The following ANO2 variants were observed in gnomAD, a reference collection of about 807,000 sequenced individuals.
ANO2 encodes the protein anoctamin 2.
ANO2 carries 101 observed loss-of-function variants against 124.2 expected under a neutral mutation model. That is an observed-to-expected ratio of 0.81 (90% CI 0.69 to 0.96). The LOEUF is 0.96. Ranked by LOEUF, ANO2 falls within the 40% of genes least tolerant of loss-of-function variation. The pLI is 0.00. For synonymous variants in ANO2, 486 were observed against 482.5 expected (o/e 1.01, Z -0.09); for missense variants, 1,293 against 1,274.5 (o/e 1.01, Z -0.22).
intron 10 of ANO2, among the ~76,000 whole-genome samples, chr12:5,773,953 C>A (rs941379730): frequency 3.3e-4 from 50 of 152,272 alleles, no homozygotes; most frequent in African/African-American, 1.1e-3. Flanking sequence ...TTCACGAAGA[C>A]AGCATATGAA....
At chr12:5,651,566 A>G (rs1946915528) in intron 14 of ANO2, among the ~76,000 whole-genome samples, 1 of 152,188 alleles carries the variant, frequency 6.6e-6, no homozygotes, top group South Asian at 2.1e-4. Context: ...AATTACAGGC[A>G]TAGGACACCA....
intron 3 of ANO2, among the ~76,000 whole-genome samples, chr12:5,855,677 C>T (rs1005648494): frequency 2.0e-5 from 3 of 152,192 alleles, no homozygotes; most frequent in East Asian, 1.9e-4. Context: ...TTAGCTCACA[C>T]AATATTTGCA....
chr12:5,868,417 G>T (rs1955488846), intron 3 of ANO2, among the ~76,000 whole-genome samples: 1 of 151,980 alleles, frequency 6.6e-6, no homozygotes, highest in African/African-American at 2.4e-5. Context: ...CCTCCTTTCT[G>T]ATCAAGCAGA....
intron 10 of ANO2, among the ~76,000 whole-genome samples, chr12:5,778,454 G>A (rs1192237757): frequency 1.3e-5 from 2 of 152,160 alleles, no homozygotes; most frequent in East Asian, 3.9e-4. Context: ...ATAAATGAAA[G>A]AATAAATGAA....
chr12:5,693,866 T>G (rs910800572), intron 14 of ANO2, among the ~76,000 whole-genome samples: 1 of 152,158 alleles, frequency 6.6e-6, no homozygotes, highest in Non-Finnish European at 1.5e-5. Context: ...TCAGCTGCCA[T>G]GTGCCAGAGA....
At chr12:5,628,463 G>T (rs1316805916) in intron 16 of ANO2, among the ~76,000 whole-genome samples, 1 of 152,202 alleles carries the variant, frequency 6.6e-6, no homozygotes, top group Non-Finnish European at 1.5e-5. Flanking sequence ...AGAGTGTCAT[G>T]GTTTTAGCAA....
intron 16 of ANO2, among the ~76,000 whole-genome samples, chr12:5,628,743 CAT>C (rs1197473405): frequency 6.6e-6 from 1 of 152,148 alleles, no homozygotes; most frequent in Non-Finnish European, 1.5e-5. Context: ...CAAGTGTGTG[CAT>C]GTGTGTGAGA....
intron 4 of ANO2, among the ~76,000 whole-genome samples, chr12:5,845,709 C>T (rs1024173956): frequency 6.6e-6 from 1 of 152,134 alleles, no homozygotes; most frequent in African/African-American, 2.4e-5. Context: ...AGAGCAGGAG[C>T]GTGGCTTTGG....
chr12:5,651,923 G>A (rs1056134384), intron 14 of ANO2, among the ~76,000 whole-genome samples: 2 of 152,172 alleles, frequency 1.3e-5, no homozygotes, highest in Non-Finnish European at 2.9e-5. Flanking sequence ...GCATGTCTTG[G>A]TAGTTTGTTC....
At chr12:5,728,051 C>T (rs1370366682) in intron 14 of ANO2, among the ~76,000 whole-genome samples, 1 of 152,146 alleles carries the variant, frequency 6.6e-6, no homozygotes, top group Non-Finnish European at 1.5e-5. Context: ...CATGATCCGC[C>T]CACCTCGGCC....
At chr12:5,912,752 C>A (rs1272923353) in intron 3 of ANO2, among the ~76,000 whole-genome samples, 1 of 152,184 alleles carries the variant, frequency 6.6e-6, no homozygotes, top group African/African-American at 2.4e-5. Flanking sequence ...GCCCAAGGTC[C>A]CAGCCTGCTG....
intron 14 of ANO2, among the ~76,000 whole-genome samples, chr12:5,675,325 C>T (rs951350179): frequency 1.3e-5 from 2 of 152,218 alleles, no homozygotes; most frequent in African/African-American, 2.4e-5. Context: ...TTCCATGATA[C>T]ACACAGTCTC....
At chr12:5,581,593 G>A (rs967033460) in intron 20 of ANO2, among the ~76,000 whole-genome samples, 31 of 152,268 alleles carry the variant, frequency 2.0e-4, no homozygotes, top group African/African-American at 7.5e-4. Flanking sequence ...ACTCTCTGGT[G>A]TCCCTCTTCT....
chr12:5,914,085 A>C (rs1176315887), intron 3 of ANO2, among the ~76,000 whole-genome samples: 1 of 152,162 alleles, frequency 6.6e-6, no homozygotes. Context: ...CTGTAATCCC[A>C]GCTACTCAGG....
rs1034669338 is a variant in ANO2 at position 5,769,354 on chromosome 12, G to C, written c.1056-18384C>G. Among the ~76,000 whole-genome samples, 1 of 152,094 alleles carries C rather than the reference G, an allele frequency of 6.6e-6. No individual in the cohort carries two copies. Among genetic ancestry groups the C allele is most frequent in the Non-Finnish European group, 1.5e-5 (1 of 68,030 alleles). On this transcript the variant is annotated intron_variant, in intron 10 of 24. Coordinates refer to ENST00000682330, the MANE Select transcript of ANO2 (RefSeq NM_001364791.2). The surrounding 1 kb of genome is among the most constrained non-coding windows in gnomAD (Gnocchi z 4.0). ...GCTCTGCAAGCAGCAGACGCATTCA[G>C]AGGAGCAAACAGGCCCAAAGACCAA...
intron 3 of ANO2, among the ~76,000 whole-genome samples, chr12:5,884,025 C>T (rs1457790693): frequency 6.6e-6 from 1 of 152,132 alleles, no homozygotes; most frequent in East Asian, 1.9e-4. Flanking sequence ...AAATGTGGCC[C>T]AAGGTCACAC....
chr12:5,619,346 T>C (rs1944994253), intron 16 of ANO2, among the ~76,000 whole-genome samples: 1 of 152,232 alleles, frequency 6.6e-6, no homozygotes, highest in Admixed American at 6.5e-5. Context: ...GGTAGACACG[T>C]ACAGATTTTA....
Position 5,700,681 on chromosome 12 carries a change from T to C in ANO2, c.1545+31839A>G, listed in dbSNP as rs962186430. Among the ~76,000 whole-genome samples the C allele has an allele frequency of 3.3e-5, 5 of 152,066 alleles. No individual in the cohort carries two copies. In the South Asian group the frequency reaches 1.0e-3, roughly 32 times the overall value. On this transcript the variant is annotated intron_variant, in intron 14 of 24. Coordinates refer to ENST00000682330, the MANE Select transcript of ANO2 (RefSeq NM_001364791.2). ...TTTTTGAAAAGATCAACAAAATTGA[T>C]AGAGCACCAGCAAGACTAATAAAGA... is the stretch of plus-strand genomic sequence containing the variant.
At chr12:5,608,577 C>T (rs1289029633) in intron 19 of ANO2, among the ~76,000 whole-genome samples, 1 of 152,002 alleles carries the variant, frequency 6.6e-6, no homozygotes, top group South Asian at 2.1e-4. Flanking sequence ...GATTTTAATG[C>T]CACCATATTC....
Sources: allele counts gnomAD v4.1 joint callset (sites outside exome capture counted in the v4.1 genomes callset), GRCh38; gene constraint gnomAD v4.1.1; non-coding constraint Gnocchi (gnomAD v3.1); transcripts MANE v1.5; gene names NCBI Gene and HGNC (gene_info 2026-07-23, HGNC 2026-07-21).